THNSL1: variants seen among roughly 807,000 people sequenced by gnomAD.
THNSL1 encodes the protein threonine synthase-like 1.
Under a neutral mutation model 50.4 loss-of-function variants are expected in THNSL1, and 48 were observed. That is an observed-to-expected ratio of 0.95 (90% confidence interval 0.76 to 1.21). THNSL1 has a LOEUF of 1.21. Ranked by LOEUF, THNSL1 falls within the 50% of genes most tolerant of loss-of-function variation. THNSL1 has a pLI of 0.00. For missense variants in THNSL1, 896 were observed against 871.7 expected, an observed-to-expected ratio of 1.03 and a Z score of -0.35; for synonymous variants, 309 against 306.1, an observed-to-expected ratio of 1.01 and a Z score of -0.10.
chr10:24,953,089 G>A, the THNSL1 span, among the ~76,000 whole-genome samples: 1 of 152,034 alleles, frequency 6.6e-6, no homozygotes, highest in Non-Finnish European at 1.5e-5. Context: ...GCGTGAAAGA[G>A]CCTGTGAGCC....
At chr10:24,966,599 C>T in the THNSL1 span, among the ~76,000 whole-genome samples, 5 of 152,184 alleles carry the variant, frequency 3.3e-5, no homozygotes, top group African/African-American at 9.6e-5. Flanking sequence ...AGGATTAAAA[C>T]GGATGGAATA....
chr10:24,990,550 T>C, the THNSL1 span: 1 of 1,613,926 alleles, frequency 6.2e-7, no homozygotes, highest in Non-Finnish European at 8.5e-7. Context: ...CATAGTCTTC[T>C]TGGGCTTTCT....
the THNSL1 span, among the ~76,000 whole-genome samples, chr10:24,963,775 G>T: frequency 1.3e-5 from 2 of 152,090 alleles, no homozygotes; most frequent in African/African-American, 4.8e-5. Flanking sequence ...AAATAAAAAC[G>T]GTAGAAATAA....
the THNSL1 span, among the ~76,000 whole-genome samples, chr10:24,953,907 A>G: frequency 2.6e-5 from 4 of 152,216 alleles, no homozygotes; most frequent in African/African-American, 7.2e-5. Flanking sequence ...TCTAAGCGCC[A>G]GCGCCTTGGA....
the THNSL1 span, chr10:24,999,477 C>T: frequency 6.2e-7 from 1 of 1,613,120 alleles, no homozygotes; most frequent in South Asian, 1.1e-5. Flanking sequence ...TTGCTGGTCC[C>T]ATAGTTTTCA....
chr10:24,952,737 G>T, the THNSL1 span: 1 of 681,964 alleles, frequency 1.5e-6, no homozygotes, highest in Non-Finnish European at 2.3e-6. The surrounding 1 kb of genome is among the most constrained non-coding windows in gnomAD (Gnocchi z 5.1). Flanking sequence ...GGAAGCAGCG[G>T]CCTGACGCGG....
the THNSL1 span, among the ~76,000 whole-genome samples, chr10:25,007,637 T>C: frequency 6.6e-6 from 1 of 152,138 alleles, no homozygotes; most frequent in Non-Finnish European, 1.5e-5. Context: ...GGTTTCACCA[T>C]GTTAGCCAGG....
chr10:25,019,711 A>G (rs1285131357), intron 1 of THNSL1, among the ~76,000 whole-genome samples: 1 of 152,228 alleles, frequency 6.6e-6, no homozygotes, highest in Non-Finnish European at 1.5e-5. Context: ...ATTAACTGCT[A>G]ATTATCCAAT....
chr10:24,996,930 C>T, the THNSL1 span, among the ~76,000 whole-genome samples: 98 of 152,266 alleles, frequency 6.4e-4, no homozygotes, highest in Non-Finnish European at 1.0e-3. Flanking sequence ...TTAGAGAAGG[C>T]GCTGATCCAA....
At chr10:24,995,632 T>C in the THNSL1 span, 1 of 1,596,194 alleles carries the variant, frequency 6.3e-7, no homozygotes, top group South Asian at 1.1e-5. Context: ...CTTATTAATA[T>C]ACCACAAGGC....
At chr10:25,011,217 C>G in the THNSL1 span, among the ~76,000 whole-genome samples, 3 of 152,238 alleles carry the variant, frequency 2.0e-5, no homozygotes, top group East Asian at 1.9e-4. Flanking sequence ...ATTTTTTCAT[C>G]TGTCTTTTGG....
chr10:25,014,614 A>G (rs751312601), upstream of THNSL1, among the ~76,000 whole-genome samples: 1 of 152,236 alleles, frequency 6.6e-6, no homozygotes, highest in African/African-American at 2.4e-5. Context: ...TCAATATTCT[A>G]TAGAAATACA....
At chr10:24,995,823 C>G in the THNSL1 span, 1 of 1,613,436 alleles carries the variant, frequency 6.2e-7, no homozygotes, top group East Asian at 2.2e-5. Flanking sequence ...GATCAGTCTT[C>G]AATGGCACAG....
the THNSL1 span, among the ~76,000 whole-genome samples, chr10:25,003,926 AT>A: frequency 8.7e-3 from 1,325 of 152,264 alleles, 19 homozygotes; most frequent in African/African-American, 0.029. Flanking sequence ...ATTTAGCAGT[AT>A]TTTGGTTTCA....
At chr10:24,955,821 C>T in the THNSL1 span, among the ~76,000 whole-genome samples, 1 of 152,012 alleles carries the variant, frequency 6.6e-6, no homozygotes, top group Non-Finnish European at 1.5e-5. Flanking sequence ...TAGCGTGGCA[C>T]CTGTAGACCT....
chr10:25,006,768 T>A, the THNSL1 span, among the ~76,000 whole-genome samples: 70 of 152,348 alleles, frequency 4.6e-4, 1 homozygote, highest in South Asian at 7.9e-3. Flanking sequence ...TTTGTTTTAC[T>A]GTCTCAGGCT....
At chr10:24,959,177 A>C in the THNSL1 span, among the ~76,000 whole-genome samples, 1 of 152,170 alleles carries the variant, frequency 6.6e-6, no homozygotes, top group South Asian at 2.1e-4. Context: ...AAACAAAAAC[A>C]AAAAAAGGGG....
At chr10:24,970,178 C>T in the THNSL1 span, among the ~76,000 whole-genome samples, 3 of 152,188 alleles carry the variant, frequency 2.0e-5, no homozygotes, top group Non-Finnish European at 2.9e-5. Context: ...GGATGGGCTG[C>T]ATATTTTAGA....
the THNSL1 span, among the ~76,000 whole-genome samples, chr10:25,003,776 G>C: frequency 6.6e-6 from 1 of 152,088 alleles, no homozygotes; most frequent in Admixed American, 6.6e-5. Flanking sequence ...CATCACCCAG[G>C]TATTAAACCT....
Sources: allele counts gnomAD v4.1 joint callset (sites outside exome capture counted in the v4.1 genomes callset), GRCh38; gene constraint gnomAD v4.1.1; non-coding constraint Gnocchi (gnomAD v3.1); transcripts MANE v1.5; gene names NCBI Gene and HGNC (gene_info 2026-07-23, HGNC 2026-07-21).